PCDH11X: variants seen among roughly 807,000 people sequenced by gnomAD.
The protein encoded by PCDH11X is protocadherin-11 X-linked.
PCDH11X carries 18 observed loss-of-function variants against 53.3 expected under a neutral mutation model. The ratio of observed to expected loss-of-function variants is 0.34; its 90% CI spans 0.23 to 0.50. The LOEUF (loss-of-function observed/expected upper bound fraction) is 0.50, where lower values mean the gene tolerates loss of function less well. Among genes scored for constraint, PCDH11X ranks in the 20% least tolerant of loss-of-function variants. PCDH11X has a pLI of 0.98. For missense variants in PCDH11X, 570 were observed against 1,032.4 expected (o/e 0.55, Z 6.14); for synonymous variants, 279 against 393.3 (o/e 0.71, Z 3.44).
intron 8 of PCDH11X, among the ~76,000 whole-genome samples, chrX:92,310,081 C>T (rs947620439): frequency 2.1e-4 from 23 of 111,885 alleles, no homozygotes; most frequent in African/African-American, 7.5e-4. Flanking sequence ...TTTTCACCAC[C>T]TGCTTCACTC....
intron 10 of PCDH11X, among the ~76,000 whole-genome samples, chrX:92,520,645 G>A (rs1431368787): frequency 9.2e-6 from 1 of 109,094 alleles, no homozygotes; most frequent in African/African-American, 3.3e-5. Flanking sequence ...CAACAGTGAT[G>A]TCTGCTGCAT....
intron 6 of PCDH11X, among the ~76,000 whole-genome samples, chrX:92,186,628 CAAAAAA>C (rs34913850): frequency 3.1e-5 from 2 of 63,517 alleles, no homozygotes; most frequent in Admixed American, 2.2e-4. Context: ...AACTCCGTCT[CAAAAAA>C]AAAAAAAAAA....
chrX:92,327,184 T>TA (rs2069357359), intron 8 of PCDH11X, among the ~76,000 whole-genome samples: 1 of 109,663 alleles, frequency 9.1e-6, no homozygotes, highest in Admixed American at 9.8e-5. Flanking sequence ...TAAATCGTTT[T>TA]AAAAACAACT....
intron 6 of PCDH11X, among the ~76,000 whole-genome samples, chrX:92,063,004 A>G (rs2063544749): frequency 9.0e-6 from 1 of 111,530 alleles, no homozygotes; most frequent in East Asian, 2.8e-4. Context: ...ATGGAATACT[A>G]TGCAGCCATA....
intron 10 of PCDH11X, among the ~76,000 whole-genome samples, chrX:92,600,257 A>C (rs1310872590): frequency 9.1e-6 from 1 of 109,705 alleles, no homozygotes; most frequent in Admixed American, 9.7e-5. Context: ...AACAGTAGGA[A>C]AAATTTCTCC....
chrX:91,860,811 G>A (rs1318472402), intron 5 of PCDH11X, among the ~76,000 whole-genome samples: 1 of 112,138 alleles, frequency 8.9e-6, no homozygotes, highest in Non-Finnish European at 1.9e-5. Context: ...TGAGGATAAA[G>A]CTGACTTGAT....
intron 6 of PCDH11X, among the ~76,000 whole-genome samples, chrX:92,007,673 A>G (rs2062624218): frequency 9.0e-6 from 1 of 111,650 alleles, no homozygotes; most frequent in African/African-American, 3.3e-5. Flanking sequence ...CAGATGCAAG[A>G]CAAAGTCCCA....
rs575153240 is a variant in PCDH11X, at chrX:92,124,584, A to C, written c.3034-76791A>C. 1.8e-4 allele frequency among the ~76,000 whole-genome samples: 19 copies of C among 108,130 alleles called. No homozygotes were observed. In the South Asian group the frequency reaches 7.9e-3, roughly 45 times the overall value. The allele number at this position is 108,130 out of a possible 115,157, so 93.9% of individuals were successfully genotyped here. On this transcript the variant is annotated intron_variant, in intron 6 of 10. Transcript: ENST00000682573. ...AATAGGCCTAGTATAATACCGCAAG[A>C]GGTGTGACTAGCACTGGAGATGACA...
At chrX:92,408,476 A>G (rs1353816092) in intron 9 of PCDH11X, among the ~76,000 whole-genome samples, 7 of 110,582 alleles carry the variant, frequency 6.3e-5, no homozygotes, top group Non-Finnish European at 1.3e-4. Flanking sequence ...AAGAAACACC[A>G]CAAATGTCAG....
rs1455848613 is a variant in PCDH11X, at chrX:91,895,492, C to T, written c.3033+16219C>T. Among the ~76,000 whole-genome samples, 7 of 110,581 alleles carry T rather than the reference C, an allele frequency of 6.3e-5. No homozygotes were observed. In the East Asian group the frequency reaches 2.0e-3, roughly 31 times the overall value. Reference sequence around the variant, plus strand: ...ACATTTCCTCAGTTTCATCAACCTACATATTTATTAGTTTGCCTCTCCCTG... The same window carrying T: ...ACATTTCCTCAGTTTCATCAACCTATATATTTATTAGTTTGCCTCTCCCTG... On this transcript the variant is annotated intron_variant, in intron 6 of 10. Coordinates refer to ENST00000682573, the MANE Select transcript of PCDH11X (RefSeq NM_032968.5).
At chrX:91,832,899 T>C (rs1937163048) in intron 4 of PCDH11X, among the ~76,000 whole-genome samples, 1 of 105,732 alleles carries the variant, frequency 9.5e-6, no homozygotes, top group African/African-American at 3.5e-5. Flanking sequence ...TGTAGGTTTA[T>C]GTAAGTAAAC....
chrX:91,896,463 G>A (rs1330930772), intron 6 of PCDH11X, among the ~76,000 whole-genome samples: 1 of 104,199 alleles, frequency 9.6e-6, no homozygotes, highest in Non-Finnish European at 2.0e-5. Context: ...TAGTCTTCTG[G>A]TTATGTTATA....
intron 6 of PCDH11X, among the ~76,000 whole-genome samples, chrX:92,063,086 A>G (rs1219529676): frequency 9.1e-6 from 1 of 109,443 alleles, no homozygotes; most frequent in African/African-American, 3.3e-5. Context: ...GCAAACTAAC[A>G]CAAGAACAGA....
At chrX:92,198,410 C>CA (rs148083122) in intron 6 of PCDH11X, among the ~76,000 whole-genome samples, 353 of 31,615 alleles carry the variant, frequency 0.011, 39 homozygotes, top group African/African-American at 0.046. Context: ...GATCCTGTCT[C>CA]AAAAAAAAAA....
At chrX:92,066,999 G>A (rs2063618589) in intron 6 of PCDH11X, among the ~76,000 whole-genome samples, 1 of 112,129 alleles carries the variant, frequency 8.9e-6, no homozygotes, top group Admixed American at 9.5e-5. Flanking sequence ...AGCTACTTGG[G>A]AGGCTGAGGC....
intron 8 of PCDH11X, among the ~76,000 whole-genome samples, chrX:92,313,568 C>A (rs749298575): frequency 1.4e-4 from 15 of 109,289 alleles, no homozygotes; most frequent in Admixed American, 6.9e-4. Context: ...GTTTGTTGTG[C>A]AGGTTTATTA....
intron 10 of PCDH11X, among the ~76,000 whole-genome samples, chrX:92,609,148 G>C (rs1927102086): frequency 8.9e-6 from 1 of 111,871 alleles, no homozygotes; most frequent in Admixed American, 9.5e-5. Flanking sequence ...CCAGCTGAAA[G>C]ACAGTAAGGG....
At chrX:91,817,473 A>T (rs182178531) in intron 4 of PCDH11X, among the ~76,000 whole-genome samples, 2 of 108,896 alleles carry the variant, frequency 1.8e-5, no homozygotes, top group African/African-American at 6.7e-5. Context: ...CCATCATTTC[A>T]CTGTCCTGGG....
chrX:92,519,264 G>A (rs1344995624), intron 10 of PCDH11X, among the ~76,000 whole-genome samples: 4 of 106,987 alleles, frequency 3.7e-5, no homozygotes, highest in Admixed American at 2.0e-4. Flanking sequence ...GTGGAATTGG[G>A]TGTTATCTCA....
Sources: allele counts gnomAD v4.1 joint callset (sites outside exome capture counted in the v4.1 genomes callset), GRCh38; gene constraint gnomAD v4.1.1; transcripts MANE v1.5; gene names NCBI Gene and HGNC (gene_info 2026-07-23, HGNC 2026-07-21).